The following YIPF1 variants were observed in gnomAD, a reference collection of about 807,000 sequenced individuals.
The protein encoded by YIPF1 is protein YIPF1.
A neutral mutation model predicts 37.0 loss-of-function variants in YIPF1; 22 were observed. The ratio of observed to expected loss-of-function variants is 0.59; its 90% CI spans 0.42 to 0.85. YIPF1 has a LOEUF of 0.85. Ranked by LOEUF, YIPF1 falls within the 40% of genes least tolerant of loss-of-function variation. The pLI is 0.00. For synonymous variants in YIPF1, 128 were observed against 131.9 expected (o/e 0.97, Z 0.21); for missense variants, 355 against 373.1 (o/e 0.95, Z 0.40).
intron 6 of YIPF1, among the ~76,000 whole-genome samples, chr1:53,875,017 G>C (rs1398924945): frequency 6.6e-6 from 1 of 151,974 alleles, no homozygotes; most frequent in East Asian, 1.9e-4. Flanking sequence ...TCTTCTATAT[G>C]TTGTTCCATA....
At chr1:53,859,436 G>A (rs1250399644) in intron 10 of YIPF1, among the ~76,000 whole-genome samples, 1 of 152,176 alleles carries the variant, frequency 6.6e-6, no homozygotes, top group African/African-American at 2.4e-5. Context: ...GGCCGAGGCA[G>A]GTGGATCACC....
chr1:53,876,887 C>T (rs1338236978), intron 6 of YIPF1, among the ~76,000 whole-genome samples: 4 of 152,124 alleles, frequency 2.6e-5, no homozygotes, highest in Non-Finnish European at 5.9e-5. Context: ...GGCAAGTTAT[C>T]TCCTTAATCT....
intron 3 of YIPF1, among the ~76,000 whole-genome samples, chr1:53,887,895 T>C (rs1440770609): frequency 1.3e-5 from 2 of 152,160 alleles, no homozygotes; most frequent in Non-Finnish European, 2.9e-5. Context: ...TTTAGAACAG[T>C]GCCTGACATA....
chr1:53,858,837 C>A (rs1296070598), intron 10 of YIPF1, among the ~76,000 whole-genome samples: 1 of 152,164 alleles, frequency 6.6e-6, no homozygotes, highest in African/African-American at 2.4e-5. Context: ...GGTTTTGCCG[C>A]ATTGCCCAGG....
chr1:53,861,592 T>G (rs1649876047), intron 9 of YIPF1, among the ~76,000 whole-genome samples: 1 of 132,264 alleles, frequency 7.6e-6, no homozygotes, highest in Admixed American at 8.3e-5. Context: ...TTGGGTGTGG[T>G]GGAGAGAGAA....
intron 9 of YIPF1, among the ~76,000 whole-genome samples, chr1:53,860,403 A>G (rs55786072): frequency 0.018 from 2,760 of 151,786 alleles, 85 homozygotes; most frequent in African/African-American, 0.063. Flanking sequence ...TAATAACCCT[A>G]TGAGGTTGTT....
At chr1:53,868,477 G>C (rs1650090925) in intron 7 of YIPF1, among the ~76,000 whole-genome samples, 1 of 152,054 alleles carries the variant, frequency 6.6e-6, no homozygotes, top group African/African-American at 2.4e-5. Flanking sequence ...AATAAAAGCA[G>C]GTAAGAACTG....
At chr1:53,860,914 T>A (rs1311373063) in intron 9 of YIPF1, among the ~76,000 whole-genome samples, 1 of 152,204 alleles carries the variant, frequency 6.6e-6, no homozygotes, top group African/African-American at 2.4e-5. Context: ...TCACTACCCT[T>A]GAATACTGGT....
In YIPF1 at chr1:53,889,770, G is replaced by T. The variant is rs924648017; in HGVS notation, c.-327C>A. On this transcript the variant is annotated 5_prime_UTR_variant, in exon 1 of 11. Coordinates refer to ENST00000072644, the MANE Select transcript of YIPF1 (RefSeq NM_018982.5). ...AAGGCTCGGGCCTCAGTTGCTCCGC[G>T]CCGGTTTCGGTCCAGCCCAGTTGCC... The T allele has an allele frequency of 6.6e-6, 1 of 152,326 alleles. No homozygotes were observed. The highest frequency in any genetic ancestry group is 6.5e-5 in the Admixed American group (1 of 15,292). The allele number at this position is 152,326 out of a possible 1,614,324, so 9.4% of individuals were successfully genotyped here. A position where few individuals can be genotyped will look rare whatever the true frequency, so the allele number is the denominator to read the frequency against.
In YIPF1 at chr1:53,889,767, C is replaced by G. The variant is rs1650761270; in HGVS notation, c.-324G>C. The G allele has an allele frequency of 6.6e-6, 1 of 152,336 alleles. No homozygotes were observed. The highest frequency in any genetic ancestry group is 2.1e-4 in the South Asian group (1 of 4,834). 9.4% of individuals were successfully genotyped at this position (152,336 alleles called of 1,614,324 possible). ...GAGAAGGCTCGGGCCTCAGTTGCTCCGCGCCGGTTTCGGTCCAGCCCAGTT... is the reference window on the plus strand; with the variant it reads ...GAGAAGGCTCGGGCCTCAGTTGCTCGGCGCCGGTTTCGGTCCAGCCCAGTT... On this transcript the variant is annotated 5_prime_UTR_variant, in exon 1 of 11. Transcript: ENST00000072644.
intron 4 of YIPF1, among the ~76,000 whole-genome samples, chr1:53,881,783 T>C (rs911267220): frequency 6.6e-6 from 1 of 152,150 alleles, no homozygotes; most frequent in African/African-American, 2.4e-5. Context: ...AGTTCAACCA[T>C]TGTGGAAGAC....
At chr1:53,857,980 C>CA (rs34358598) in intron 10 of YIPF1, among the ~76,000 whole-genome samples, 4,827 of 96,914 alleles carry the variant, frequency 0.05, 132 homozygotes, top group East Asian at 0.13. Context: ...GACTCCACCT[C>CA]AAAAAAAAAA....
At chr1:53,877,894 A>G (rs1011270956) in intron 6 of YIPF1, among the ~76,000 whole-genome samples, 4 of 152,120 alleles carry the variant, frequency 2.6e-5, no homozygotes, top group Non-Finnish European at 5.9e-5. Flanking sequence ...GGCTCAAGCA[A>G]TCCTCCTGCC....
intron 10 of YIPF1, among the ~76,000 whole-genome samples, chr1:53,859,445 C>T (rs1309007600): frequency 1.3e-5 from 2 of 152,156 alleles, no homozygotes; most frequent in Non-Finnish European, 2.9e-5. Flanking sequence ...AGGTGGATCA[C>T]CTGAGGTCAG....
chr1:53,857,574 T>C (rs1197950813), intron 10 of YIPF1, among the ~76,000 whole-genome samples: 1 of 152,186 alleles, frequency 6.6e-6, no homozygotes, highest in African/African-American at 2.4e-5. Flanking sequence ...GCTCTGCCTC[T>C]AAGAGGTAGG....
In YIPF1 at chr1:53,888,899, T is replaced by C; in HGVS notation, c.31+8A>G. On this transcript the variant is annotated splice_region_variant and intron_variant, in intron 3 of 10. Transcript: ENST00000072644. Reference sequence around the variant, plus strand: ...ATAAATATAAAGGTGGGCACCCAACTGGTATACCTTCAAATTGCAAGTCAT... The same window carrying C: ...ATAAATATAAAGGTGGGCACCCAACCGGTATACCTTCAAATTGCAAGTCAT... 1 of 1,584,210 alleles carries C rather than the reference T, an allele frequency of 6.3e-7. No homozygotes were observed. Among genetic ancestry groups the C allele is most frequent in the South Asian group, 1.1e-5 (1 of 89,206 alleles).
chr1:53,878,307 A>G lies in YIPF1; in HGVS notation c.364+8T>C. ...GAAATACGGTAAACAAATCAGTACT[A>G]AACATACCATAGAGATCTGGATTGC... is the stretch of plus-strand genomic sequence containing the variant. On this transcript the variant is annotated splice_region_variant and intron_variant, in intron 6 of 10. Coordinates refer to ENST00000072644, the MANE Select transcript of YIPF1 (RefSeq NM_018982.5). 6.2e-7 allele frequency: 1 copy of G among 1,613,438 alleles called. No homozygotes were observed. Among genetic ancestry groups the G allele is most frequent in the Non-Finnish European group, 8.5e-7 (1 of 1,179,716 alleles).
chr1:53,874,772 AT>A lies in YIPF1; in HGVS notation c.365-3285del, dbSNP rs143769701. 3.5e-3 allele frequency among the ~76,000 whole-genome samples: 525 copies of A among 152,092 alleles called. 4 individuals carry two copies. Among genetic ancestry groups the A allele is most frequent in the African/African-American group, 0.011 (477 of 41,494 alleles). ...ACAGAGTGAGACTCTGTCTCAAAAA[AT>A]ATATATATATTTTTAATGGTATCAT... On this transcript the variant is annotated intron_variant, in intron 6 of 10. Transcript: ENST00000072644.
chr1:53,882,304 C>T lies in YIPF1; in HGVS notation c.195+809G>A, dbSNP rs115774896. 1.8e-3 allele frequency among the ~76,000 whole-genome samples: 270 copies of T among 152,268 alleles called. 2 individuals carry two copies. Among genetic ancestry groups the T allele is most frequent in the African/African-American group, 6.2e-3 (259 of 41,558 alleles). ...ATGTAACAAACCTGTACCTCCTGCACATGACCCCTGAAGTTAAAATAAAAG... is the reference window on the plus strand; with the variant it reads ...ATGTAACAAACCTGTACCTCCTGCATATGACCCCTGAAGTTAAAATAAAAG... On this transcript the variant is annotated intron_variant, in intron 4 of 10. Transcript: ENST00000072644.
Sources: gnomAD v4.1 joint callset for allele counts (sites outside exome capture counted in the v4.1 genomes callset) on GRCh38, gnomAD v4.1.1 for gene constraint, MANE v1.5 for transcripts, NCBI Gene and HGNC (gene_info 2026-07-23, HGNC 2026-07-21) for gene names.